TENM1: variants seen among roughly 807,000 people sequenced by gnomAD.
The protein encoded by TENM1 is teneurin transmembrane protein 1, also known as teneurin-1.
TENM1 carries 35 observed loss-of-function variants against 174.8 expected under a neutral mutation model. The observed-to-expected ratio is 0.20, with a 90% CI of 0.15 to 0.27. The LOEUF (loss-of-function observed/expected upper bound fraction) is 0.27. TENM1 is among the 10% of genes least tolerant of loss of function. The probability of loss-of-function intolerance (pLI) is 1.00; values close to 1 mark genes in which losing one functional copy is unlikely to be tolerated. For missense variants in TENM1, 1,633 were observed against 2,130.1 expected (o/e 0.77, Z 4.59); for synonymous variants, 781 against 798.7 (o/e 0.98, Z 0.37).
chrX:124,443,047 T>C (rs2060923831), intron 23 of TENM1, among the ~76,000 whole-genome samples: 2 of 25,124 alleles, frequency 8.0e-5, no homozygotes, highest in South Asian at 3.5e-3. Context: ...GATGACTATG[T>C]GTGTGTGTGT....
At position 124,734,645 on chromosome X, in the gene TENM1, G is replaced by A. The variant is rs569573820; in HGVS notation, c.776+2312C>T. On this transcript the variant is annotated intron_variant, in intron 4 of 31. Transcript: ENST00000422452. ...TACTGTTTCCTGGACATGGGCCATA[G>A]TACTTGCAGTTTGTTGATGGTGAAA... Among the ~76,000 whole-genome samples, 63 of 110,796 alleles carry A rather than the reference G, an allele frequency of 5.7e-4. 1 individual carries two copies. In the Middle Eastern group the frequency reaches 0.032, roughly 57 times the overall value.
intron 9 of TENM1, among the ~76,000 whole-genome samples, chrX:124,646,058 G>A (rs967072038): frequency 8.9e-6 from 1 of 112,049 alleles, no homozygotes; most frequent in African/African-American, 3.2e-5. Context: ...TTAGCAGACT[G>A]GGAACTTTAA....
chrX:125,020,504 T>C, the TENM1 span, among the ~76,000 whole-genome samples: 1 of 109,719 alleles, frequency 9.1e-6, no homozygotes, highest in East Asian at 2.8e-4. Flanking sequence ...TTTTTTTTTC[T>C]AAATGGAAGG....
chrX:124,912,621 TA>T (rs1453466799), intron 1 of TENM1, among the ~76,000 whole-genome samples: 1 of 110,899 alleles, frequency 9.0e-6, no homozygotes, highest in Non-Finnish European at 1.9e-5. Context: ...AGTGTAGCTA[TA>T]AAATTATAAG....
chrX:124,732,425 G>T (rs2053584693), intron 4 of TENM1, among the ~76,000 whole-genome samples: 1 of 111,812 alleles, frequency 8.9e-6, no homozygotes. Context: ...CCCATCTAAG[G>T]AACATCAAAT....
chrX:124,705,428 T>C (rs1379575423), intron 4 of TENM1, among the ~76,000 whole-genome samples, 177 bp from the exon 8 acceptor site: 2 of 112,002 alleles, frequency 1.8e-5, no homozygotes, highest in Non-Finnish European at 3.8e-5. Flanking sequence ...TTGTTCTCTC[T>C]CTTTTCTTTG....
chrX:124,584,302 A>T (rs1337214710), intron 11 of TENM1, among the ~76,000 whole-genome samples: 3 of 109,886 alleles, frequency 2.7e-5, no homozygotes, highest in East Asian at 2.8e-4. Flanking sequence ...CGGGTTACCC[A>T]CAAAGGGAAG....
chrX:124,423,680 T>C (rs1323548807), intron 23 of TENM1, among the ~76,000 whole-genome samples: 1 of 110,052 alleles, frequency 9.1e-6, no homozygotes, highest in Non-Finnish European at 1.9e-5. Flanking sequence ...TTGAGGAAAA[T>C]CTGGGTACTA....
At position 124,909,435 on chromosome X, in the gene TENM1, C is replaced by T. The variant is rs951783031; in HGVS notation, c.218-13194G>A. Among the ~76,000 whole-genome samples, 4 of 112,003 alleles carry T rather than the reference C, an allele frequency of 3.6e-5. No individual in the cohort carries two copies. In the South Asian group the frequency reaches 1.5e-3, roughly 42 times the overall value. ...CTCCATCTGGATTTCCACAGCCAGCCGCCAAAATACTTTGAGGGATATAGC... is the reference window on the plus strand; with the variant it reads ...CTCCATCTGGATTTCCACAGCCAGCTGCCAAAATACTTTGAGGGATATAGC... On this transcript the variant is annotated intron_variant, in intron 1 of 31. Transcript: ENST00000422452.
At chrX:124,588,925 A>G (rs1005272986) in intron 11 of TENM1, among the ~76,000 whole-genome samples, 14 of 110,089 alleles carry the variant, frequency 1.3e-4, no homozygotes, top group Non-Finnish European at 2.5e-4. Context: ...GCTAGCACTT[A>G]TAGTACTATG....
chrX:124,869,155 C>T (rs1320624674), intron 3 of TENM1, among the ~76,000 whole-genome samples: 1 of 109,450 alleles, frequency 9.1e-6, no homozygotes, highest in Admixed American at 9.8e-5. Context: ...ATTGCTTGAA[C>T]CTGGGAGGCG....
intron 11 of TENM1, among the ~76,000 whole-genome samples, chrX:124,588,975 A>C (rs775100736): frequency 9.0e-6 from 1 of 110,899 alleles, no homozygotes; most frequent in Non-Finnish European, 1.9e-5. Context: ...TTGTCTTGTT[A>C]CAGTCCTCAA....
chrX:124,825,524 C>T (rs2056139435), intron 3 of TENM1, among the ~76,000 whole-genome samples: 1 of 110,623 alleles, frequency 9.0e-6, no homozygotes, highest in African/African-American at 3.3e-5. Flanking sequence ...AAGATGTAAA[C>T]AATTCAGATA....
chrX:124,855,764 G>C (rs768399707), intron 3 of TENM1, among the ~76,000 whole-genome samples: 3 of 111,275 alleles, frequency 2.7e-5, no homozygotes, highest in Non-Finnish European at 5.7e-5. Flanking sequence ...TGTACATCTT[G>C]GATTCTTCTG....
intron 19 of TENM1, among the ~76,000 whole-genome samples, chrX:124,499,113 A>C (rs1344270848): frequency 9.0e-6 from 1 of 111,551 alleles, no homozygotes; most frequent in Non-Finnish European, 1.9e-5. Context: ...CTAATAGCAA[A>C]TGAATGAATG....
the TENM1 span, among the ~76,000 whole-genome samples, chrX:125,179,339 T>G: frequency 2.7e-5 from 3 of 110,551 alleles, no homozygotes; most frequent in Non-Finnish European, 3.8e-5. Flanking sequence ...GTTTAAAGAT[T>G]TTTAAAGGCC....
chrX:124,548,607 A>G (rs1162844292), intron 14 of TENM1, among the ~76,000 whole-genome samples: 1 of 112,123 alleles, frequency 8.9e-6, no homozygotes, highest in Middle Eastern at 4.2e-3. Flanking sequence ...GCTCTAATTC[A>G]GTTGTTTAAC....
chrX:124,945,354 G>A (rs1298228667), intron 1 of TENM1, among the ~76,000 whole-genome samples: 1 of 110,988 alleles, frequency 9.0e-6, no homozygotes, highest in Non-Finnish European at 1.9e-5. Context: ...GTGAGATGGC[G>A]AGCCATGCCA....
chrX:125,020,127 G>A, the TENM1 span, among the ~76,000 whole-genome samples: 1 of 110,819 alleles, frequency 9.0e-6, no homozygotes, highest in African/African-American at 3.3e-5. Context: ...ACACTAGCAG[G>A]AGTAGTGCTC....
Sources: gnomAD v4.1 joint callset for allele counts (sites outside exome capture counted in the v4.1 genomes callset) on GRCh38, gnomAD v4.1.1 for gene constraint, MANE v1.5 for transcripts, NCBI Gene and HGNC (gene_info 2026-07-23, HGNC 2026-07-21) for gene names.